Variants in CLEC1A observed in about 807,000 individuals in gnomAD.
CLEC1A encodes the protein C-type lectin-like receptor-1.
A neutral mutation model predicts 28.7 loss-of-function variants in CLEC1A; 34 were observed. That is an observed-to-expected ratio of 1.18 (90% confidence interval 0.90 to 1.57). The LOEUF (loss-of-function observed/expected upper bound fraction) is 1.57. Among genes scored for constraint, CLEC1A ranks in the 40% most tolerant of loss-of-function variants. The pLI is 0.00. For synonymous variants in CLEC1A, 116 were observed against 121.0 expected (o/e 0.96, Z 0.27); for missense variants, 385 against 339.5 (o/e 1.13, Z -1.05).
At chr12:10,083,838 T>TAAAA (rs1259873144) in intron 2 of CLEC1A, among the ~76,000 whole-genome samples, 2 of 151,894 alleles carry the variant, frequency 1.3e-5, no homozygotes, top group African/African-American at 4.8e-5. Context: ...ATAAATATCG[T>TAAAA]AAAGAAAAAA....
intron 1 of CLEC1A, among the ~76,000 whole-genome samples, chr12:10,093,557 AC>A (rs1947736944): frequency 6.6e-6 from 1 of 151,944 alleles, no homozygotes; most frequent in African/African-American, 2.4e-5. Flanking sequence ...TTTGTTTTCC[AC>A]CCAAGAAACT....
At position 10,088,220 on chromosome 12, in the gene CLEC1A, A is replaced by T. The variant is rs561074743; in HGVS notation, c.214+904T>A. On this transcript the variant is annotated intron_variant, in intron 2 of 5. Coordinates refer to ENST00000315330, the MANE Select transcript of CLEC1A (RefSeq NM_016511.4). The stretch of plus-strand genomic sequence containing the variant: ...TAAGTATAGAAATCCCTCATGAATC[A>T]TAAGAGTTCCTCTATATTTCCAAGA... Among the ~76,000 whole-genome samples the T allele has an allele frequency of 2.0e-5, 3 of 152,200 alleles. 1 individual carries two copies. Among genetic ancestry groups the T allele is most frequent in the South Asian group, 4.1e-4 (2 of 4,828 alleles).
chr12:10,095,963 C>A lies in CLEC1A; in HGVS notation c.115+2845G>T, dbSNP rs550153812. On this transcript the variant is annotated intron_variant, in intron 1 of 5. Transcript: ENST00000315330. ...TCCCTCAGATTATCTCCTTGACACT[C>A]TCTTCTGTTCATTCATGTTTTCATT... Among the ~76,000 whole-genome samples, 16 of 152,290 alleles carry A rather than the reference C, an allele frequency of 1.1e-4. No homozygotes were observed. In the South Asian group the frequency reaches 2.7e-3, roughly 26 times the overall value.
intron 4 of CLEC1A, among the ~76,000 whole-genome samples, chr12:10,074,096 C>G (rs1465404880): frequency 6.6e-6 from 1 of 152,030 alleles, no homozygotes; most frequent in Non-Finnish European, 1.5e-5. Context: ...ACTCTGTTGC[C>G]CAGGCTGGAG....
In CLEC1A at chr12:10,069,690, A is replaced by G. The variant is rs1427440188; in HGVS notation, c.*1643T>C. On this transcript the variant is annotated 3_prime_UTR_variant, in exon 6 of 6. Transcript: ENST00000315330. ...TAAGTAAATCAGAATAAGAGGTCTA[A>G]AATCTTCATTTTCTAACCACAAATA... The G allele has an allele frequency of 6.6e-6, 1 of 152,210 alleles. No individual in the cohort carries two copies. The highest frequency in any genetic ancestry group is 1.9e-4 in the East Asian group (1 of 5,208). 9.4% of individuals were successfully genotyped at this position (152,210 alleles called of 1,614,324 possible). A position where few individuals can be genotyped will look rare whatever the true frequency, so the allele number is the denominator to read the frequency against.
intron 1 of CLEC1A, among the ~76,000 whole-genome samples, chr12:10,093,199 C>G (rs1288192649): frequency 6.6e-6 from 1 of 151,932 alleles, no homozygotes; most frequent in African/African-American, 2.4e-5. Flanking sequence ...TAACATGAGA[C>G]AGATTTTCAC....
intron 1 of CLEC1A, among the ~76,000 whole-genome samples, chr12:10,092,685 G>A (rs1388416725): frequency 2.6e-5 from 4 of 152,120 alleles, no homozygotes; most frequent in African/African-American, 4.8e-5. Context: ...TTCCTACTGT[G>A]AAGTGAGGGC....
At chr12:10,082,743 C>CT (rs397964736) in intron 2 of CLEC1A, among the ~76,000 whole-genome samples, 8 of 9,858 alleles carry the variant, frequency 8.1e-4, no homozygotes, top group Non-Finnish European at 5.7e-3. Flanking sequence ...TGGAGGCCAA[C>CT]AACTCAAACC....
chr12:10,086,424 GATAA>G (rs770171627), intron 2 of CLEC1A, among the ~76,000 whole-genome samples: 1 of 149,440 alleles, frequency 6.7e-6, no homozygotes, highest in Non-Finnish European at 1.5e-5. Flanking sequence ...TATTTGAAAA[GATAA>G]ATAAAATCAA....
At chr12:10,087,878 T>C (rs1866533826) in intron 2 of CLEC1A, among the ~76,000 whole-genome samples, 1 of 151,838 alleles carries the variant, frequency 6.6e-6, no homozygotes, top group African/African-American at 2.4e-5. Flanking sequence ...AATAAATAAA[T>C]AGAAATGTGG....
At chr12:10,074,118 G>A (rs1193491540) in intron 4 of CLEC1A, among the ~76,000 whole-genome samples, 3 of 152,188 alleles carry the variant, frequency 2.0e-5, no homozygotes, top group East Asian at 3.9e-4. Flanking sequence ...GCAGTGGCAC[G>A]ATCATAGCTC....
At chr12:10,077,315 A>G (rs1034556728) in intron 3 of CLEC1A, among the ~76,000 whole-genome samples, 1 of 152,222 alleles carries the variant, frequency 6.6e-6, no homozygotes, top group South Asian at 2.1e-4. Context: ...CTCTCTATAT[A>G]CATATAGATA....
rs1866098088 is a variant in CLEC1A at position 10,070,274 on chromosome 12, A to G, written c.*1059T>C. ...TCACCTCAAAAGATTTCATTTTAGGAAAACGTTAAAACTGTTTTCTTGAAG... is the reference window on the plus strand; with the variant it reads ...TCACCTCAAAAGATTTCATTTTAGGGAAACGTTAAAACTGTTTTCTTGAAG... On this transcript the variant is annotated 3_prime_UTR_variant, in exon 6 of 6. Coordinates refer to ENST00000315330, the MANE Select transcript of CLEC1A (RefSeq NM_016511.4). 6.6e-6 allele frequency: 1 copy of G among 152,242 alleles called. No individual in the cohort carries two copies. Among genetic ancestry groups the G allele is most frequent in the African/African-American group, 2.4e-5 (1 of 41,464 alleles). 9.4% of individuals were successfully genotyped at this position (152,242 alleles called of 1,614,324 possible).
At chr12:10,096,243 T>C (rs929398789) in intron 1 of CLEC1A, among the ~76,000 whole-genome samples, 1 of 152,166 alleles carries the variant, frequency 6.6e-6, no homozygotes, top group Non-Finnish European at 1.5e-5. Context: ...CCTTCTATAG[T>C]TTCTGTCTCA....
At position 10,071,145 on chromosome 12, in the gene CLEC1A, A is replaced by T; in HGVS notation, c.*188T>A. The stretch of plus-strand genomic sequence containing the variant: ...TGGCATGTAAATAAGACTTCTTGTG[A>T]CTGTTAAATACGTGCATAAACCCAA... On this transcript the variant is annotated 3_prime_UTR_variant, in exon 6 of 6. Transcript: ENST00000315330. The T allele has an allele frequency of 2.1e-6, 1 of 483,056 alleles. No individual in the cohort carries two copies. The highest frequency in any genetic ancestry group is 3.6e-6 in the Non-Finnish European group (1 of 278,144). 29.9% of individuals were successfully genotyped at this position (483,056 alleles called of 1,614,324 possible).
intron 2 of CLEC1A, among the ~76,000 whole-genome samples, chr12:10,085,908 A>C (rs992766325): frequency 1.3e-5 from 2 of 152,226 alleles, no homozygotes; most frequent in Non-Finnish European, 2.9e-5. Flanking sequence ...CACATGTAAC[A>C]TTCTCCAACA....
At position 10,075,502 on chromosome 12, in the gene CLEC1A, A is replaced by G. The variant is rs757736427; in HGVS notation, c.543+2T>C. 6.2e-6 allele frequency: 10 copies of G among 1,613,550 alleles called. No homozygotes were observed. Among genetic ancestry groups the G allele is most frequent in the Non-Finnish European group, 7.6e-6 (9 of 1,179,796 alleles). ...AAACATTGAAAAGCCTCAGAATCTTACCAGGTCTTCTTGTTTGTTTATCTT... is the reference window on the plus strand; with the variant it reads ...AAACATTGAAAAGCCTCAGAATCTTGCCAGGTCTTCTTGTTTGTTTATCTT... On this transcript the variant is annotated splice_donor_variant, in intron 4 of 5. Transcript: ENST00000315330. LOFTEE classifies it high-confidence loss of function.
intron 1 of CLEC1A, among the ~76,000 whole-genome samples, chr12:10,094,463 A>G (rs1353386325): frequency 6.6e-6 from 1 of 151,936 alleles, no homozygotes; most frequent in Non-Finnish European, 1.5e-5. Context: ...AGTATTGAAA[A>G]AGAGAGAGAG....
chr12:10,098,898 T>C lies in CLEC1A; in HGVS notation c.25A>G (p.Arg9Gly). 1 of 1,613,216 alleles carries C rather than the reference T, an allele frequency of 6.2e-7. No individual in the cohort carries two copies. The highest frequency in any genetic ancestry group is 8.5e-7 in the Non-Finnish European group (1 of 1,179,544). The change falls in exon 1 of 6, where the codon AGG (arginine) becomes GGG (glycine). Residue 9 changes from arginine to glycine, a missense_variant. Transcript: ENST00000315330. MQAKYSSTRDMLDDDGDTT... is the reference protein window; with the variant it reads MQAKYSSTGDMLDDDGDTT... ...TCCCCATCATCATCCAGCATGTCCC[T>C]CGTGCTGCTGTACTTGGCCTGCATC...
Sources: allele counts gnomAD v4.1 joint callset (sites outside exome capture counted in the v4.1 genomes callset), GRCh38; gene constraint gnomAD v4.1.1; transcripts MANE v1.5; gene names NCBI Gene and HGNC (gene_info 2026-07-23, HGNC 2026-07-21).